The following FAAH2 variants were observed in gnomAD, a reference collection of about 807,000 sequenced individuals.
The protein encoded by FAAH2 is fatty-acid amide hydrolase 2.
Under a neutral mutation model 36.9 loss-of-function variants are expected in FAAH2, and 60 were observed. The observed-to-expected ratio is 1.63, with a 90% CI of 1.32 to 2.02. FAAH2 has a LOEUF of 2.02. Among genes scored for constraint, FAAH2 ranks in the 30% most tolerant of loss-of-function variants. The pLI is 0.00. For missense variants in FAAH2, 689 were observed against 397.5 expected, an observed-to-expected ratio of 1.73 and a Z score of -6.23; for synonymous variants, 214 against 143.8, an observed-to-expected ratio of 1.49 and a Z score of -3.49.
At chrX:57,444,381 G>A (rs1465631310) in intron 8 of FAAH2, among the ~76,000 whole-genome samples, 1 of 112,252 alleles carries the variant, frequency 8.9e-6, no homozygotes, top group Non-Finnish European at 1.9e-5. Context: ...AGTGAGTGAG[G>A]CTCTGTGGGC....
chrX:57,310,094 G>T (rs1396646090), intron 2 of FAAH2, among the ~76,000 whole-genome samples: 1 of 111,776 alleles, frequency 8.9e-6, no homozygotes, highest in Non-Finnish European at 1.9e-5. Flanking sequence ...AGCATCTGTT[G>T]TTTCTTGATT....
At chrX:57,243,143 C>T in the FAAH2 span, among the ~76,000 whole-genome samples, 2 of 111,820 alleles carry the variant, frequency 1.8e-5, no homozygotes, top group Admixed American at 9.5e-5. Context: ...CCAGGAAGTT[C>T]AAACTGGGTG....
chrX:57,229,851 A>G, the FAAH2 span, among the ~76,000 whole-genome samples: 1 of 111,372 alleles, frequency 9.0e-6, no homozygotes, highest in African/African-American at 3.3e-5. Context: ...TTGTCACCTG[A>G]TATTTACCCA....
At chrX:57,264,142 A>G in the FAAH2 span, among the ~76,000 whole-genome samples, 1 of 112,372 alleles carries the variant, frequency 8.9e-6, no homozygotes, top group Non-Finnish European at 1.9e-5. Flanking sequence ...GAAAATTTTT[A>G]GAATCTAGTG....
chrX:57,262,306 C>T, the FAAH2 span, among the ~76,000 whole-genome samples: 1 of 110,753 alleles, frequency 9.0e-6, no homozygotes, highest in Non-Finnish European at 1.9e-5. Context: ...TCAAAACACA[C>T]TTGAAATAAA....
intron 5 of FAAH2, among the ~76,000 whole-genome samples, chrX:57,370,823 T>G (rs775948888): frequency 3.6e-5 from 4 of 111,816 alleles, no homozygotes; most frequent in Non-Finnish European, 7.5e-5. Flanking sequence ...CTTATGAGAC[T>G]CTAATGCCTG....
At chrX:57,359,978 T>C (rs2054249682) in intron 5 of FAAH2, among the ~76,000 whole-genome samples, 1 of 109,748 alleles carries the variant, frequency 9.1e-6, no homozygotes, top group Non-Finnish European at 1.9e-5. Context: ...GTGTTTTTTT[T>C]TTTTTCTCAG....
At chrX:57,210,505 G>A in the FAAH2 span, among the ~76,000 whole-genome samples, 1 of 111,813 alleles carries the variant, frequency 8.9e-6, no homozygotes, top group African/African-American at 3.2e-5. Context: ...ATAAAAAGAA[G>A]CCAAGCATCA....
chrX:57,440,392 G>T (rs149162640), intron 8 of FAAH2, among the ~76,000 whole-genome samples: 1,498 of 110,729 alleles, frequency 0.014, 9 homozygotes, highest in Middle Eastern at 0.06. Flanking sequence ...TCACGATTTG[G>T]CTCTCTGATT....
intron 9 of FAAH2, among the ~76,000 whole-genome samples, chrX:57,447,331 G>A (rs970461488): frequency 1.8e-5 from 2 of 111,099 alleles, no homozygotes; most frequent in Non-Finnish European, 3.8e-5. Context: ...GATTTTCTGG[G>A]TGTACTGTGC....
chrX:57,169,879 CACACACACACACACAA>C, the FAAH2 span, among the ~76,000 whole-genome samples: 11 of 108,610 alleles, frequency 1.0e-4, no homozygotes, highest in East Asian at 2.6e-3. Context: ...AACACACACA[CACACACACACACACAA>C]ACACACACAC....
At chrX:57,421,722 C>T (rs1189613461) in intron 7 of FAAH2, among the ~76,000 whole-genome samples, 1 of 111,900 alleles carries the variant, frequency 8.9e-6, no homozygotes, top group Admixed American at 9.5e-5. Flanking sequence ...GGGACACAAT[C>T]CAGTCCGTAG....
chrX:57,473,191 CT>C (rs749522933), intron 10 of FAAH2, among the ~76,000 whole-genome samples: 1 of 111,098 alleles, frequency 9.0e-6, no homozygotes, highest in Non-Finnish European at 1.9e-5. Context: ...CGTTTTAGCA[CT>C]TTTTTGCTGT....
the FAAH2 span, among the ~76,000 whole-genome samples, chrX:57,236,760 T>C: frequency 8.9e-6 from 1 of 111,819 alleles, no homozygotes; most frequent in Non-Finnish European, 1.9e-5. Flanking sequence ...TATTAGCCTA[T>C]TATCAGATGG....
chrX:57,352,058 A>G (rs1438971695), intron 5 of FAAH2, among the ~76,000 whole-genome samples: 5 of 44,811 alleles, frequency 1.1e-4, no homozygotes, highest in African/African-American at 3.4e-4. Context: ...GTGTATATAT[A>G]TATATATACA....
the FAAH2 span, among the ~76,000 whole-genome samples, chrX:57,245,970 A>G: frequency 9.0e-6 from 1 of 111,553 alleles, no homozygotes; most frequent in South Asian, 3.8e-4. Context: ...AAAATAGATA[A>G]TCTGCTAGCC....
the FAAH2 span, among the ~76,000 whole-genome samples, chrX:57,194,620 C>T: frequency 9.1e-6 from 1 of 110,132 alleles, no homozygotes; most frequent in African/African-American, 3.3e-5. Flanking sequence ...TTTTGAGGAG[C>T]AGGTGATGTT....
the FAAH2 span, among the ~76,000 whole-genome samples, chrX:57,274,168 G>A: frequency 1.8e-4 from 20 of 111,811 alleles, no homozygotes; most frequent in African/African-American, 5.9e-4. Flanking sequence ...AGAAGAAATG[G>A]ATAAATCCCT....
At chrX:57,363,840 A>C (rs1011573776) in intron 5 of FAAH2, among the ~76,000 whole-genome samples, 10 of 110,717 alleles carry the variant, frequency 9.0e-5, no homozygotes, top group Non-Finnish European at 1.1e-4. Context: ...TTTTTAAAGG[A>C]AATCTGTTTA....
Sources: gnomAD v4.1 joint callset for allele counts (sites outside exome capture counted in the v4.1 genomes callset) on GRCh38, gnomAD v4.1.1 for gene constraint, MANE v1.5 for transcripts, NCBI Gene and HGNC (gene_info 2026-07-23, HGNC 2026-07-21) for gene names.